The following RELL1 variants were observed in gnomAD, a reference collection of about 807,000 sequenced individuals.
The protein encoded by RELL1 is RELT-like protein 1.
In RELL1, 10 loss-of-function variants were observed where a neutral mutation model predicts 23.0. That is an observed-to-expected ratio of 0.43 (90% CI 0.27 to 0.74). RELL1 has a LOEUF of 0.74. Ranked by LOEUF, RELL1 falls within the 30% of genes least tolerant of loss-of-function variation. RELL1 has a pLI of 0.19. For missense variants in RELL1, 315 were observed against 364.4 expected, an observed-to-expected ratio of 0.86 and a Z score of 1.10; for synonymous variants, 146 against 146.8, an observed-to-expected ratio of 0.99 and a Z score of 0.04.
intron 1 of RELL1, among the ~76,000 whole-genome samples, chr4:37,657,323 C>G (rs1721150682): frequency 6.6e-6 from 1 of 152,208 alleles, no homozygotes; most frequent in Admixed American, 6.5e-5. Flanking sequence ...GGAACAGAGA[C>G]ACTGAGCTCA....
chr4:37,648,667 G>T (rs1406399472), intron 2 of RELL1, among the ~76,000 whole-genome samples: 1 of 152,168 alleles, frequency 6.6e-6, no homozygotes. Flanking sequence ...TAGTACTAAG[G>T]CACCAGCTCT....
chr4:37,668,738 T>G (rs1577604023), intron 1 of RELL1, among the ~76,000 whole-genome samples: 1 of 146,814 alleles, frequency 6.8e-6, no homozygotes, highest in South Asian at 2.1e-4. Flanking sequence ...GAGGAGCATC[T>G]CTGCCCGGCC....
intron 5 of RELL1, among the ~76,000 whole-genome samples, chr4:37,633,346 C>A (rs778201467): frequency 1.5e-5 from 2 of 130,028 alleles, no homozygotes; most frequent in South Asian, 2.6e-4. Context: ...GAGGCAGAGG[C>A]TGCAGTGAGC....
At chr4:37,593,049 G>A (rs1240752688) in intron 6 of RELL1, among the ~76,000 whole-genome samples, 3 of 152,154 alleles carry the variant, frequency 2.0e-5, no homozygotes, top group Admixed American at 6.5e-5. Context: ...ACAAGCCATC[G>A]CAAGTGACCT....
At chr4:37,596,736 A>ATATATATATATATAT (rs1365185216) in intron 6 of RELL1, among the ~76,000 whole-genome samples, 1 of 16,508 alleles carries the variant, frequency 6.1e-5, no homozygotes, top group Non-Finnish European at 1.5e-4. Context: ...ATATATATAT[A>ATATATATATATATAT]TTTTTTTTTT....
At chr4:37,605,364 G>A (rs1020336155) in intron 6 of RELL1, among the ~76,000 whole-genome samples, 6 of 152,118 alleles carry the variant, frequency 3.9e-5, no homozygotes, top group African/African-American at 1.4e-4. Context: ...AAAGGAACCA[G>A]GGCTCCTTGG....
chr4:37,668,337 T>C (rs542483191), intron 1 of RELL1, among the ~76,000 whole-genome samples: 244 of 152,164 alleles, frequency 1.6e-3, no homozygotes, highest in African/African-American at 5.3e-3. Flanking sequence ...TGCCTCAGCC[T>C]GCCGAGTGCC....
chr4:37,658,942 A>G (rs1308468597), intron 1 of RELL1, among the ~76,000 whole-genome samples: 2 of 151,946 alleles, frequency 1.3e-5, no homozygotes, highest in African/African-American at 2.4e-5. Flanking sequence ...AAACTCTACT[A>G]TTTGCCCTTA....
intron 6 of RELL1, among the ~76,000 whole-genome samples, chr4:37,618,070 C>A (rs1439837650): frequency 6.6e-6 from 1 of 152,192 alleles, no homozygotes; most frequent in African/African-American, 2.4e-5. Flanking sequence ...GAAGCTTAAA[C>A]AATCAGCTTC....
intron 6 of RELL1, among the ~76,000 whole-genome samples, chr4:37,630,795 A>C (rs957310881): frequency 2.0e-5 from 3 of 152,072 alleles, no homozygotes; most frequent in Admixed American, 6.5e-5. Context: ...ATTCGTATTG[A>C]GGTTTCAGAA....
intron 1 of RELL1, among the ~76,000 whole-genome samples, chr4:37,652,294 C>T (rs570409329): frequency 1.3e-5 from 2 of 152,308 alleles, no homozygotes; most frequent in East Asian, 3.9e-4. Context: ...CTTTATCAGA[C>T]AACCTCCAGA....
chr4:37,592,230 A>T (rs1274514830), intron 6 of RELL1, among the ~76,000 whole-genome samples: 1 of 140,004 alleles, frequency 7.1e-6, no homozygotes, highest in Non-Finnish European at 1.6e-5. Flanking sequence ...AAAAAAAAAG[A>T]GCTAAGCTAG....
intron 5 of RELL1, among the ~76,000 whole-genome samples, chr4:37,632,095 A>AAAC (rs1553873497): frequency 8.7e-5 from 13 of 149,996 alleles, no homozygotes; most frequent in Non-Finnish European, 1.6e-4. Flanking sequence ...AAAAAAAAAA[A>AAAC]AAAAAAAAAA....
chr4:37,609,904 C>T (rs1400354305), downstream of RELL1, among the ~76,000 whole-genome samples: 1 of 152,208 alleles, frequency 6.6e-6, no homozygotes, highest in Non-Finnish European at 1.5e-5. Flanking sequence ...ATGCTGTGAA[C>T]ACTGTTGAAA....
chr4:37,629,705 G>C (rs979165851), intron 6 of RELL1, among the ~76,000 whole-genome samples: 1 of 152,200 alleles, frequency 6.6e-6, no homozygotes, highest in Non-Finnish European at 1.5e-5. Flanking sequence ...AAAATGATCA[G>C]AGTCCCTATG....
At chr4:37,630,368 T>TC (rs60276474) in intron 6 of RELL1, among the ~76,000 whole-genome samples, 19 of 133,046 alleles carry the variant, frequency 1.4e-4, no homozygotes, top group African/African-American at 4.8e-4. Flanking sequence ...TTTTTTTTTT[T>TC]TTTTTTTTTT....
chr4:37,653,244 C>T (rs905870976), intron 1 of RELL1, among the ~76,000 whole-genome samples: 21 of 152,104 alleles, frequency 1.4e-4, no homozygotes, highest in Non-Finnish European at 2.1e-4. Context: ...TTGACTATTA[C>T]CCTGCCCGCT....
At chr4:37,610,203 G>C (rs1719331401), downstream of RELL1, among the ~76,000 whole-genome samples, 1 of 151,994 alleles carries the variant, frequency 6.6e-6, no homozygotes, top group East Asian at 1.9e-4. The surrounding 1 kb of genome is among the most constrained non-coding windows in gnomAD (Gnocchi z 4.1). Context: ...GCAGCAAAAA[G>C]ATTATGACTT....
chr4:37,590,872 C>T, exon 7 of RELL1: 1 of 1,614,168 alleles, frequency 6.2e-7, no homozygotes, highest in Non-Finnish European at 8.5e-7. Context: ...AGGAAACAGG[C>T]AGGAGGATAC....
Sources: allele counts gnomAD v4.1 joint callset (sites outside exome capture counted in the v4.1 genomes callset), GRCh38; gene constraint gnomAD v4.1.1; non-coding constraint Gnocchi (gnomAD v3.1); transcripts MANE v1.5; gene names NCBI Gene and HGNC (gene_info 2026-07-23, HGNC 2026-07-21).